The following ZC3H12B variants were observed in gnomAD, a reference collection of about 807,000 sequenced individuals.
The protein encoded by ZC3H12B is zinc finger CCCH-type containing 12B, also known as probable ribonuclease ZC3H12B.
Under a neutral mutation model 43.9 loss-of-function variants are expected in ZC3H12B, and 7 were observed. That is an observed-to-expected ratio of 0.16 (90% confidence interval 0.09 to 0.30). The LOEUF is 0.30. Ranked by LOEUF, ZC3H12B falls within the 10% of genes least tolerant of loss-of-function variation. The pLI is 1.00. For synonymous variants in ZC3H12B, 222 were observed against 241.7 expected, an observed-to-expected ratio of 0.92 and a Z score of 0.76; for missense variants, 475 against 670.2, an observed-to-expected ratio of 0.71 and a Z score of 3.22.
At chrX:65,420,879 A>G (rs914246051) in intron 3 of ZC3H12B, among the ~76,000 whole-genome samples, 1 of 112,551 alleles carries the variant, frequency 8.9e-6, no homozygotes, top group African/African-American at 3.2e-5. Context: ...AAATTAACAC[A>G]TTCTCTAGTA....
chrX:65,088,901 G>A, the ZC3H12B span, among the ~76,000 whole-genome samples: 1 of 111,361 alleles, frequency 9.0e-6, no homozygotes, highest in Non-Finnish European at 1.9e-5. Flanking sequence ...CTTAATTTGT[G>A]CCTTGGTTCT....
chrX:65,207,602 A>G, the ZC3H12B span, among the ~76,000 whole-genome samples: 1 of 109,582 alleles, frequency 9.1e-6, no homozygotes, highest in Non-Finnish European at 1.9e-5. Context: ...TTGAGAAGTC[A>G]GGTAGTGTGA....
chrX:65,213,780 A>T, the ZC3H12B span, among the ~76,000 whole-genome samples: 1 of 110,183 alleles, frequency 9.1e-6, no homozygotes, highest in Admixed American at 9.9e-5. Flanking sequence ...GTAGGCATTC[A>T]TTAAATATAC....
exon 1 of ZC3H12B, chrX:65,489,310 C>T: frequency 8.3e-7 from 1 of 1,211,270 alleles, no homozygotes; most frequent in Non-Finnish European, 1.1e-6. Flanking sequence ...GGGCCCAGCT[C>T]CAGAGAGATT....
At chrX:65,351,370 G>C in the ZC3H12B span, among the ~76,000 whole-genome samples, 225 of 112,235 alleles carry the variant, frequency 2.0e-3, no homozygotes, top group Non-Finnish European at 3.5e-3. Context: ...AATCCTAGAA[G>C]AAAGCCTGGG....
intron 3 of ZC3H12B, among the ~76,000 whole-genome samples, chrX:65,431,961 T>C (rs1481687278): frequency 8.9e-6 from 1 of 112,101 alleles, no homozygotes; most frequent in Non-Finnish European, 1.9e-5. Flanking sequence ...TTTTGAGTGG[T>C]GCATGTGTAT....
the ZC3H12B span, among the ~76,000 whole-genome samples, chrX:65,095,001 A>C: frequency 2.7e-5 from 3 of 112,022 alleles, no homozygotes; most frequent in South Asian, 1.1e-3. Flanking sequence ...GAATGAAGTG[A>C]GCTTTTCATG....
At chrX:65,076,414 C>G in the ZC3H12B span, among the ~76,000 whole-genome samples, 1 of 111,526 alleles carries the variant, frequency 9.0e-6, no homozygotes, top group African/African-American at 3.3e-5. Context: ...ACTGGGATTA[C>G]AGGAATGAGC....
the ZC3H12B span, among the ~76,000 whole-genome samples, chrX:65,054,639 T>A: frequency 8.9e-6 from 1 of 112,029 alleles, no homozygotes; most frequent in African/African-American, 3.2e-5. Flanking sequence ...CATTGGTAGC[T>A]TGATGGGGGT....
intron 3 of ZC3H12B, among the ~76,000 whole-genome samples, chrX:65,466,932 ATATAT>A (rs1373759197): frequency 1.9e-4 from 8 of 41,253 alleles, no homozygotes; most frequent in South Asian, 1.2e-3. Flanking sequence ...ATATATATAT[ATATAT>A]ATATATATAT....
the ZC3H12B span, among the ~76,000 whole-genome samples, chrX:65,357,778 C>A: frequency 3.6e-5 from 4 of 111,630 alleles, no homozygotes; most frequent in African/African-American, 1.3e-4. Flanking sequence ...GAAGAAACTG[C>A]ATCAACTAAT....
At chrX:65,157,304 A>T in the ZC3H12B span, among the ~76,000 whole-genome samples, 291 of 112,271 alleles carry the variant, frequency 2.6e-3, 1 homozygote, top group Non-Finnish European at 3.7e-3. Context: ...CTTTAATGCC[A>T]TTGGTCTTTT....
the ZC3H12B span, among the ~76,000 whole-genome samples, chrX:65,342,552 G>C: frequency 3.6e-3 from 398 of 111,820 alleles, 3 homozygotes; most frequent in African/African-American, 0.012. Flanking sequence ...ACCTGCCCCT[G>C]AATTACTTTT....
At chrX:65,127,516 C>T in the ZC3H12B span, among the ~76,000 whole-genome samples, 2 of 110,905 alleles carry the variant, frequency 1.8e-5, no homozygotes, top group Non-Finnish European at 3.8e-5. Flanking sequence ...AGGGAGGATG[C>T]AAACTTGCCC....
chrX:65,098,587 C>G, the ZC3H12B span, among the ~76,000 whole-genome samples: 1 of 109,734 alleles, frequency 9.1e-6, no homozygotes, highest in Non-Finnish European at 1.9e-5. Context: ...TGGCTTCAGC[C>G]CACAGAGGGC....
At chrX:65,396,987 G>A (rs867373142) in intron 2 of ZC3H12B, among the ~76,000 whole-genome samples, 2 of 111,194 alleles carry the variant, frequency 1.8e-5, no homozygotes, top group Non-Finnish European at 3.8e-5. Flanking sequence ...TATCTTTGTT[G>A]GTTTAAAGTC....
chrX:65,434,710 G>A (rs1350792850), intron 3 of ZC3H12B, among the ~76,000 whole-genome samples: 3 of 111,725 alleles, frequency 2.7e-5, no homozygotes, highest in South Asian at 3.8e-4. Context: ...GTCTATAGGG[G>A]CCTGCTAGAA....
At chrX:65,428,126 T>G (rs981756407) in intron 3 of ZC3H12B, among the ~76,000 whole-genome samples, 4 of 112,187 alleles carry the variant, frequency 3.6e-5, no homozygotes, top group South Asian at 3.7e-4. Context: ...CACTGAGAGA[T>G]CCACTGTTAG....
the ZC3H12B span, among the ~76,000 whole-genome samples, chrX:65,252,494 T>C: frequency 8.9e-6 from 1 of 111,913 alleles, no homozygotes; most frequent in African/African-American, 3.2e-5. Flanking sequence ...ATGTAAATAC[T>C]ATTATTACCC....
Sources: gnomAD v4.1 joint callset for allele counts (sites outside exome capture counted in the v4.1 genomes callset) on GRCh38, gnomAD v4.1.1 for gene constraint, MANE v1.5 for transcripts, NCBI Gene and HGNC (gene_info 2026-07-23, HGNC 2026-07-21) for gene names.